The following RGS3 variants were observed in gnomAD, a reference collection of about 807,000 sequenced individuals.
The protein encoded by RGS3 is regulator of G-protein signalling 3.
In RGS3, 80 loss-of-function variants were observed where a neutral mutation model predicts 132.6. The observed-to-expected ratio is 0.60, with a 90% CI of 0.50 to 0.73. RGS3 has a LOEUF of 0.73. Among genes scored for constraint, RGS3 ranks in the 30% least tolerant of loss-of-function variants. The pLI, the probability that RGS3 is intolerant of heterozygous loss-of-function variation, is 0.00. For synonymous variants in RGS3, 598 were observed against 620.6 expected (o/e 0.96, Z 0.54); for missense variants, 1,382 against 1,530.8 (o/e 0.90, Z 1.62).
At chr9:113,545,887 G>A (rs574161285) in intron 19 of RGS3, among the ~76,000 whole-genome samples, 10 of 152,282 alleles carry the variant, frequency 6.6e-5, no homozygotes, top group Admixed American at 2.6e-4. Context: ...GTTAAGAAAC[G>A]TGCCCAAGGT....
chr9:113,576,474 G>A (rs760043891), intron 19 of RGS3, among the ~76,000 whole-genome samples: 9 of 151,698 alleles, frequency 5.9e-5, no homozygotes, highest in Non-Finnish European at 1.3e-4. Flanking sequence ...TAGGATTACA[G>A]GCGCCCACCA....
In RGS3 at chr9:113,583,875, G is replaced by A. The variant is rs541726211; in HGVS notation, c.2463G>A (p.Gln821=). 7.1e-5 allele frequency: 115 copies of A among 1,613,944 alleles called. 1 individual carries two copies. In the South Asian group the frequency reaches 1.2e-3, roughly 17 times the overall value. Residue 821 remains glutamine (Q), a synonymous_variant, in exon 20 of 25, where the codon CAG becomes CAA. Transcript: ENST00000350696. ...CCTGTCAAGATCTGCCTCCTAGCCA[G>A]GTCTCCCTGCCAGCCAAGGCCCTTA...
At chr9:113,578,195 C>T (rs1044193717) in intron 19 of RGS3, among the ~76,000 whole-genome samples, 1 of 152,114 alleles carries the variant, frequency 6.6e-6, no homozygotes, top group African/African-American at 2.4e-5. Context: ...CAGACAGGCC[C>T]ATGAGAGGGT....
At chr9:113,495,199 T>C (rs1457353080) in intron 7 of RGS3, among the ~76,000 whole-genome samples, 1 of 152,082 alleles carries the variant, frequency 6.6e-6, no homozygotes, top group Non-Finnish European at 1.5e-5. Flanking sequence ...ACCAAGAAGA[T>C]TGAATTTAGC....
At chr9:113,464,694 G>C (rs1829570344) in intron 3 of RGS3, among the ~76,000 whole-genome samples, 1 of 152,196 alleles carries the variant, frequency 6.6e-6, no homozygotes, top group Non-Finnish European at 1.5e-5. Flanking sequence ...AGAGTTCGTA[G>C]CTGAGCTCAA....
rs2119323819 is a variant in RGS3, at chr9:113,506,381, C to T, written c.980-7C>T. 7 of 1,574,422 alleles carry T rather than the reference C, an allele frequency of 4.4e-6. No homozygotes were observed. The highest frequency in any genetic ancestry group is 4.6e-5 in the East Asian group (2 of 43,658). On this transcript the variant is annotated splice_polypyrimidine_tract_variant and splice_region_variant and intron_variant, in intron 11 of 24. Transcript: ENST00000350696. The surrounding 1 kb of genome is among the most constrained non-coding windows in gnomAD (Gnocchi z 4.7). ...GGCCCCTGAATGGCTTTTCTTTGTC[C>T]CTGCAGGGGGTCCGGCGGAACGGGC... is the stretch of plus-strand genomic sequence containing the variant.
chr9:113,516,587 G>C (rs1055426044), intron 15 of RGS3, among the ~76,000 whole-genome samples: 1 of 152,056 alleles, frequency 6.6e-6, no homozygotes, highest in Admixed American at 6.5e-5. Flanking sequence ...TCGAACTCCT[G>C]ACCTCAGGTG....
At chr9:113,447,495 T>G (rs926470190) in intron 1 of RGS3, among the ~76,000 whole-genome samples, 2 of 150,822 alleles carry the variant, frequency 1.3e-5, no homozygotes, top group Non-Finnish European at 3.0e-5. Flanking sequence ...TAAAATTTTT[T>G]GGGGGTCTAT....
chr9:113,533,945 G>T (rs1832575994), intron 18 of RGS3, among the ~76,000 whole-genome samples: 1 of 152,222 alleles, frequency 6.6e-6, no homozygotes, highest in African/African-American at 2.4e-5. Flanking sequence ...CTCCAGGAGT[G>T]CCTCAGCGCA....
chr9:113,445,640 T>C (rs1272974467), intron 1 of RGS3, among the ~76,000 whole-genome samples: 1 of 152,172 alleles, frequency 6.6e-6, no homozygotes, highest in Non-Finnish European at 1.5e-5. Context: ...TTGGTATTGG[T>C]CCCAACCTCT....
chr9:113,559,762 A>G (rs184862773), intron 19 of RGS3, among the ~76,000 whole-genome samples: 178 of 152,332 alleles, frequency 1.2e-3, no homozygotes, highest in Non-Finnish European at 2.1e-3. Context: ...TAGCCTATTC[A>G]TCAACAAATG....
intron 19 of RGS3, among the ~76,000 whole-genome samples, chr9:113,569,801 G>A (rs924726661): frequency 6.6e-6 from 1 of 152,162 alleles, no homozygotes; most frequent in Admixed American, 6.5e-5. Flanking sequence ...GGGGTGGGGA[G>A]GGGGGTGCTG....
intron 3 of RGS3, among the ~76,000 whole-genome samples, chr9:113,470,790 G>A (rs1829803303): frequency 6.6e-6 from 1 of 152,014 alleles, no homozygotes; most frequent in African/African-American, 2.4e-5. Context: ...CATAGTGAGA[G>A]CTCATCTCTA....
In RGS3 at chr9:113,565,452, GTTTT is replaced by G. The variant is rs1374219806; in HGVS notation, c.2038-17997_2038-17994del. 6.4e-5 allele frequency: 75 copies of G among 1,175,820 alleles called. No individual in the cohort carries two copies. The highest frequency in any genetic ancestry group is 4.8e-5 in the Non-Finnish European group (43 of 887,890). 72.8% of individuals were successfully genotyped at this position (1,175,820 alleles called of 1,614,324 possible). ...AGGAGGAGGGACGGGTGATGCAAGG[GTTTT>G]GAAAGCGCTACCTAGATGTGGGAGG... is the stretch of plus-strand genomic sequence containing the variant. On this transcript the variant is annotated intron_variant, in intron 19 of 24. Transcript: ENST00000350696. This position sits in a 1 kb window ranked among gnomAD's most constrained non-coding sequence, Gnocchi z 5.7.
Position 113,562,443 on chromosome 9 carries a change from C to T in RGS3, c.2038-21007C>T, listed in dbSNP as rs550718698. Among the ~76,000 whole-genome samples the T allele has an allele frequency of 2.0e-5, 3 of 147,862 alleles. No individual in the cohort carries two copies. The East Asian group carries it at 5.9e-4, about 29-fold the overall frequency. On this transcript the variant is annotated intron_variant, in intron 19 of 24. Coordinates refer to ENST00000350696, the Ensembl canonical transcript of RGS3. Reference sequence around the variant, plus strand: ...AGTGAGCCAAGATCGTGCCACTGCACTCCAGCCTGGGTGACAGAGCAAGAC... The same window carrying T: ...AGTGAGCCAAGATCGTGCCACTGCATTCCAGCCTGGGTGACAGAGCAAGAC...
At chr9:113,447,264 AG>A (rs1177780897) in intron 1 of RGS3, among the ~76,000 whole-genome samples, 6 of 128,508 alleles carry the variant, frequency 4.7e-5, no homozygotes, top group Non-Finnish European at 8.2e-5. Context: ...TCTGTCTCAA[AG>A]AAAAAAAAAA....
intron 19 of RGS3, among the ~76,000 whole-genome samples, chr9:113,540,110 C>T (rs1223489633): frequency 6.6e-6 from 1 of 152,028 alleles, no homozygotes; most frequent in Non-Finnish European, 1.5e-5. Context: ...CCGCTCCTTC[C>T]TTTTCAGAGC....
At chr9:113,471,667 C>T (rs1013173481) in intron 3 of RGS3, among the ~76,000 whole-genome samples, 7 of 152,032 alleles carry the variant, frequency 4.6e-5, no homozygotes, top group Admixed American at 1.3e-4. Flanking sequence ...CTCTCTCTCT[C>T]CGTCCCTCCT....
At chr9:113,594,247 T>G (rs770855068) in intron 21 of RGS3, 183 bp from the exon 20 acceptor site, 3 of 1,612,510 alleles carry the variant, frequency 1.9e-6, no homozygotes, top group Non-Finnish European at 2.5e-6. Context: ...CAGACCAATC[T>G]GCGGCCCCAA....
Sources: gnomAD v4.1 joint callset for allele counts (sites outside exome capture counted in the v4.1 genomes callset) on GRCh38, gnomAD v4.1.1 for gene constraint, Gnocchi (gnomAD v3.1) non-coding constraint, MANE v1.5 for transcripts, NCBI Gene and HGNC (gene_info 2026-07-23, HGNC 2026-07-21) for gene names.